ARMC2: variants seen among roughly 807,000 people sequenced by gnomAD.
ARMC2 encodes the protein armadillo repeat containing 2.
ARMC2 carries 67 observed loss-of-function variants against 90.3 expected under a neutral mutation model. The ratio of observed to expected loss-of-function variants is 0.74; its 90% CI spans 0.61 to 0.91. The LOEUF is 0.91. Ranked by LOEUF, ARMC2 falls within the 40% of genes least tolerant of loss-of-function variation. The pLI is 0.00. For synonymous variants in ARMC2, 393 were observed against 393.0 expected (o/e 1.00, Z 0.00); for missense variants, 920 against 1,030.9 (o/e 0.89, Z 1.47).
chr6:108,874,424 A>G (rs1776738675), intron 4 of ARMC2, among the ~76,000 whole-genome samples: 1 of 152,240 alleles, frequency 6.6e-6, no homozygotes, highest in South Asian at 2.1e-4. Context: ...GAATGCTAAA[A>G]GATAACGGTA....
the ARMC2 span, among the ~76,000 whole-genome samples, chr6:109,013,344 G>A: frequency 6.6e-6 from 1 of 152,252 alleles, no homozygotes; most frequent in East Asian, 1.9e-4. Context: ...CAATGGGAAG[G>A]GAGAGAAGTG....
intron 10 of ARMC2, among the ~76,000 whole-genome samples, chr6:108,916,844 T>C (rs1220027609): frequency 1.3e-5 from 2 of 152,178 alleles, no homozygotes; most frequent in Admixed American, 6.5e-5. Context: ...TTGGTCTCTG[T>C]TGTGCCCTTT....
chr6:108,964,739 G>A (rs770090623), intron 16 of ARMC2, among the ~76,000 whole-genome samples: 6 of 151,850 alleles, frequency 4.0e-5, no homozygotes, highest in Non-Finnish European at 8.8e-5. Context: ...GCGGTGAGCC[G>A]AGATCGCGCG....
chr6:108,858,564 T>C (rs1196076106), intron 3 of ARMC2, among the ~76,000 whole-genome samples: 1 of 151,326 alleles, frequency 6.6e-6, no homozygotes, highest in Non-Finnish European at 1.5e-5. Flanking sequence ...GTTATACATA[T>C]GTATTATTTT....
At chr6:109,046,244 C>G in the ARMC2 span, among the ~76,000 whole-genome samples, 1 of 151,432 alleles carries the variant, frequency 6.6e-6, no homozygotes, top group Admixed American at 6.6e-5. Flanking sequence ...CAGGCACGCG[C>G]CGCCACGCCT....
chr6:108,879,558 GCAGTCATC>G (rs1777308590), intron 5 of ARMC2, among the ~76,000 whole-genome samples: 1 of 10,406 alleles, frequency 9.6e-5, no homozygotes, highest in Non-Finnish European at 2.0e-4. Flanking sequence ...ACCCACCCAC[GCAGTCATC>G]CATCTATCTA....
chr6:108,964,339 C>G, intron 16 of ARMC2, 27 bp downstream of exon 16: 1 of 1,605,728 alleles, frequency 6.2e-7, no homozygotes, highest in African/African-American at 1.3e-5. Flanking sequence ...AGAGTACTGA[C>G]TCTCTCAGGA....
chr6:108,883,890 G>T (rs1221431814), intron 5 of ARMC2, among the ~76,000 whole-genome samples: 2 of 151,532 alleles, frequency 1.3e-5, no homozygotes, highest in Admixed American at 1.3e-4. Flanking sequence ...CTGAACATCT[G>T]CAGAAATATG....
chr6:109,045,965 G>A, the ARMC2 span, among the ~76,000 whole-genome samples: 1 of 152,156 alleles, frequency 6.6e-6, no homozygotes, highest in African/African-American at 2.4e-5. Flanking sequence ...GCTGAAAAAA[G>A]CGTATTCTGT....
chr6:109,021,575 C>CCG, the ARMC2 span, among the ~76,000 whole-genome samples: 2 of 152,008 alleles, frequency 1.3e-5, no homozygotes, highest in African/African-American at 4.8e-5. Flanking sequence ...TTAGCTGGGA[C>CCG]TACGGATGCC....
chr6:109,018,732 C>T, the ARMC2 span, among the ~76,000 whole-genome samples: 4 of 152,270 alleles, frequency 2.6e-5, no homozygotes, highest in African/African-American at 9.6e-5. Flanking sequence ...AGTTTAACTG[C>T]AGCGTATCTT....
chr6:108,964,749 G>A (rs140431691), intron 16 of ARMC2, among the ~76,000 whole-genome samples: 2,915 of 151,518 alleles, frequency 0.019, 99 homozygotes, highest in African/African-American at 0.067. Flanking sequence ...GAGATCGCGC[G>A]ACTGCACTTC....
intron 5 of ARMC2, among the ~76,000 whole-genome samples, chr6:108,889,910 C>T (rs1219300475): frequency 1.1e-4 from 16 of 150,542 alleles, no homozygotes; most frequent in African/African-American, 2.2e-4. Flanking sequence ...GGTTCCGGGC[C>T]GGGCGCGGTG....
the ARMC2 span, among the ~76,000 whole-genome samples, chr6:109,035,430 G>T: frequency 6.6e-6 from 1 of 152,012 alleles, no homozygotes; most frequent in Non-Finnish European, 1.5e-5. Context: ...GAGTATAAAA[G>T]GTCGGGAGAA....
the ARMC2 span, chr6:108,998,436 GAAGCCAAC>G: frequency 1.3e-6 from 2 of 1,561,296 alleles, no homozygotes; most frequent in South Asian, 2.4e-5. Flanking sequence ...GTTTTTCTAA[GAAGCCAAC>G]TGAAGAAATA....
chr6:108,866,414 A>G (rs1775825484), intron 3 of ARMC2, among the ~76,000 whole-genome samples: 1 of 152,244 alleles, frequency 6.6e-6, no homozygotes, highest in African/African-American at 2.4e-5. Flanking sequence ...TACCTCCTTC[A>G]GAACAGACCC....
chr6:109,041,086 A>T, the ARMC2 span, among the ~76,000 whole-genome samples: 1 of 151,656 alleles, frequency 6.6e-6, no homozygotes, highest in Non-Finnish European at 1.5e-5. Flanking sequence ...GATTAGCATG[A>T]GCCCAGGAGT....
At chr6:109,039,924 A>G in the ARMC2 span, among the ~76,000 whole-genome samples, 3 of 152,206 alleles carry the variant, frequency 2.0e-5, no homozygotes, top group Non-Finnish European at 4.4e-5. Flanking sequence ...GGATTATTTC[A>G]TGGCCACAGA....
chr6:109,010,477 CAA>C, the ARMC2 span, among the ~76,000 whole-genome samples: 6 of 152,084 alleles, frequency 3.9e-5, no homozygotes, highest in African/African-American at 1.4e-4. Context: ...GACAAGGAAA[CAA>C]GTGGAATTTA....
Sources: allele counts gnomAD v4.1 joint callset (sites outside exome capture counted in the v4.1 genomes callset), GRCh38; gene constraint gnomAD v4.1.1; transcripts MANE v1.5; gene names NCBI Gene and HGNC (gene_info 2026-07-23, HGNC 2026-07-21).